Variants in ATP11B observed in about 807,000 individuals in gnomAD.
ATP11B encodes phospholipid-transporting ATPase IF.
In ATP11B, 81 loss-of-function variants were observed where a neutral mutation model predicts 157.8. That is an observed-to-expected ratio of 0.51 (90% confidence interval 0.43 to 0.62). ATP11B has a LOEUF of 0.62. ATP11B is among the 20% of genes least tolerant of loss of function. The probability of loss-of-function intolerance (pLI) is 0.00; values close to 1 mark genes in which losing one functional copy is unlikely to be tolerated. For synonymous variants in ATP11B, 451 were observed against 469.4 expected, an observed-to-expected ratio of 0.96 and a Z score of 0.51; for missense variants, 1,165 against 1,402.2, an observed-to-expected ratio of 0.83 and a Z score of 2.70.
intron 1 of ATP11B, among the ~76,000 whole-genome samples, chr3:182,805,968 G>A (rs575598328): frequency 2.6e-5 from 4 of 152,092 alleles, no homozygotes; most frequent in Non-Finnish European, 4.4e-5. Flanking sequence ...TTTAGCACAA[G>A]GATTTAGTGA....
At chr3:182,838,994 A>G (rs1576999170) in intron 7 of ATP11B, among the ~76,000 whole-genome samples, 1 of 152,208 alleles carries the variant, frequency 6.6e-6, no homozygotes. Context: ...TTATGTAAAA[A>G]TAATGTGTGT....
At chr3:182,829,078 C>T (rs1437179314) in intron 3 of ATP11B, among the ~76,000 whole-genome samples, 38 of 152,148 alleles carry the variant, frequency 2.5e-4, no homozygotes, top group Admixed American at 2.2e-3. Context: ...ATAGACCGTT[C>T]GCTTGGCTTT....
intron 10 of ATP11B, among the ~76,000 whole-genome samples, chr3:182,848,846 T>TA (rs1312236846): frequency 1.3e-5 from 2 of 152,068 alleles, no homozygotes; most frequent in Non-Finnish European, 2.9e-5. Context: ...AAAATTTAAA[T>TA]AAACAACTAT....
intron 10 of ATP11B, among the ~76,000 whole-genome samples, chr3:182,856,231 G>A (rs1720392143): frequency 6.6e-6 from 1 of 152,144 alleles, no homozygotes; most frequent in Non-Finnish European, 1.5e-5. Flanking sequence ...AATCAAGTTG[G>A]AAGTTAAAAC....
intron 1 of ATP11B, among the ~76,000 whole-genome samples, chr3:182,806,586 G>A (rs1716343636): frequency 6.6e-6 from 1 of 151,780 alleles, no homozygotes; most frequent in African/African-American, 2.4e-5. Flanking sequence ...CTAGCTTCTA[G>A]TCCACCAATT....
intron 10 of ATP11B, among the ~76,000 whole-genome samples, chr3:182,853,011 C>G (rs982965539): frequency 1.3e-5 from 2 of 152,104 alleles, no homozygotes; most frequent in African/African-American, 2.4e-5. Flanking sequence ...AGTCTCACTA[C>G]TTTTTAACAT....
intron 4 of ATP11B, among the ~76,000 whole-genome samples, chr3:182,835,154 T>C (rs1718452051): frequency 1.3e-5 from 2 of 151,786 alleles, no homozygotes; most frequent in South Asian, 4.2e-4. Context: ...AGGAGGTGAA[T>C]AGGGAGGAAG....
chr3:182,829,792 T>C (rs1717991026), intron 4 of ATP11B, 40 bp downstream of exon 4: 2 of 1,477,798 alleles, frequency 1.4e-6, no homozygotes, highest in Admixed American at 2.1e-5. Flanking sequence ...CTCTAAGTCA[T>C]TTAGAAGTTG....
chr3:182,908,644 A>T (rs911015488), intron 28 of ATP11B: 2 of 152,226 alleles, frequency 1.3e-5, no homozygotes, highest in East Asian at 1.9e-4. Context: ...AAGAGTGAAT[A>T]TGAGCTTGAA....
chr3:182,804,582 A>C (rs1716210046), intron 1 of ATP11B, among the ~76,000 whole-genome samples: 1 of 152,176 alleles, frequency 6.6e-6, no homozygotes, highest in African/African-American at 2.4e-5. Flanking sequence ...TCTGCGTTAC[A>C]GTTGCATAGT....
At chr3:182,823,715 A>G (rs1717526718) in intron 2 of ATP11B, among the ~76,000 whole-genome samples, 3 of 152,032 alleles carry the variant, frequency 2.0e-5, no homozygotes, top group African/African-American at 4.8e-5. Context: ...CAGTATGGCC[A>G]TTTTCACGAT....
chr3:182,916,198 ATGTGT>A, intron 29 of ATP11B: 1 of 985,276 alleles, frequency 1.0e-6, no homozygotes, highest in Non-Finnish European at 1.2e-6. Flanking sequence ...TATTTGTGAA[ATGTGT>A]TGGGCATTTC....
chr3:182,887,862 GGTTTC>G, intron 24 of ATP11B, 149 bp downstream of exon 24: 1 of 891,254 alleles, frequency 1.1e-6, no homozygotes, highest in Non-Finnish European at 1.6e-6. Context: ...GAGAAAAAAA[GGTTTC>G]TTTCAAAGAG....
chr3:182,873,985 G>A lies in ATP11B; in HGVS notation c.2222G>A (p.Cys741Tyr). Residue 741 changes from cysteine (C) to tyrosine (Y), a missense_variant, in exon 19 of 30, where the codon TGT becomes TAT. Physicochemically the swap from Cys to Tyr is radical, Grantham distance 194 (BLOSUM62 -2). Around this residue, in one of 4 missense-constraint regions of ATP11B, gnomAD observed 737 missense variants for 930.5 expected, o/e 0.79. Transcript: ENST00000323116. ...ATAAACCAGAAATCAGACAGCGAGT[G>A]TGCTGAACAATTGAGGCAGCTTGCC... Reference protein sequence around the residue: ...ELINQKSDSECAEQLRQLARR... With the variant: ...ELINQKSDSEYAEQLRQLARR... The A allele has an allele frequency of 6.2e-7, 1 of 1,614,038 alleles. No individual in the cohort carries two copies.
At chr3:182,826,598 T>C (rs145931129) in intron 2 of ATP11B, among the ~76,000 whole-genome samples, 1 of 152,184 alleles carries the variant, frequency 6.6e-6, no homozygotes, top group South Asian at 2.1e-4. Context: ...TCTAGAGCCC[T>C]AAACATACTT....
At position 182,869,330 on chromosome 3, in the gene ATP11B, T is replaced by C. The variant is rs761161487; in HGVS notation, c.1865T>C (p.Leu622Ser). The C allele has an allele frequency of 6.4e-7, 1 of 1,565,608 alleles. No homozygotes were observed. The highest frequency in any genetic ancestry group is 1.2e-5 in the South Asian group (1 of 85,332). ...AGAATTCATGTAGATGAATTTGCTTTGGTGAGTGCAAATTTCTATGATTTA... is the reference window on the plus strand; with the variant it reads ...AGAATTCATGTAGATGAATTTGCTTCGGTGAGTGCAAATTTCTATGATTTA... Reference protein sequence around the residue: ...KTRIHVDEFALKGLRTLCIAY... With the variant: ...KTRIHVDEFASKGLRTLCIAY... Residue 622 changes from leucine (L) to serine (S), a missense_variant and splice_region_variant, in exon 17 of 30, where the codon TTG becomes TCG. This residue lies in a region of ATP11B where 737 missense variants were observed against 930.5 expected (regional missense o/e 0.79). Coordinates refer to ENST00000323116, the MANE Select transcript of ATP11B (RefSeq NM_014616.3).
At chr3:182,867,312 G>A in intron 14 of ATP11B, 64 bp from the exon 15 acceptor site, 2 of 927,844 alleles carry the variant, frequency 2.2e-6, no homozygotes, top group Non-Finnish European at 3.5e-6. Context: ...TTAAGCTATA[G>A]TGACATTGTG....
chr3:182,867,440 G>T lies in ATP11B; in HGVS notation c.1684G>T (p.Glu562Ter). 1 of 1,601,722 alleles carries T rather than the reference G, an allele frequency of 6.2e-7. No homozygotes were observed. The highest frequency in any genetic ancestry group is 8.6e-7 in the Non-Finnish European group (1 of 1,169,252). The change falls in exon 15 of 30, where the codon GAA becomes TAA. Residue 562 changes from glutamate (E) to a stop codon, truncating the protein, a stop_gained. Coordinates refer to ENST00000323116, the MANE Select transcript of ATP11B (RefSeq NM_014616.3). LOFTEE classifies it high-confidence loss of function. The part of the protein sequence containing the change: ...TMEVKTLGKL[E>*]RYKLLHILEF... ...GGAGGTTAAAACTCTTGGAAAACTGGAACGGTAATTTTTTTTCATATATTG... is the reference window on the plus strand; with the variant it reads ...GGAGGTTAAAACTCTTGGAAAACTGTAACGGTAATTTTTTTTCATATATTG...
At chr3:182,840,295 T>C (rs1330398947) in intron 7 of ATP11B, among the ~76,000 whole-genome samples, 2 of 152,188 alleles carry the variant, frequency 1.3e-5, no homozygotes, top group Non-Finnish European at 2.9e-5. Context: ...TCCCTTTTGC[T>C]AGTTTTTCCT....
Sources: gnomAD v4.1 joint callset for allele counts (sites outside exome capture counted in the v4.1 genomes callset) on GRCh38, gnomAD v4.1.1 for gene constraint, gnomAD v4.1.1 regional missense constraint, MANE v1.5 for transcripts, NCBI Gene and HGNC (gene_info 2026-07-23, HGNC 2026-07-21) for gene names.